Variants in MAP3K10 observed in about 807,000 individuals in gnomAD.
MAP3K10 encodes the protein MKN28 derived nonreceptor_type serine/threonine kinase.
Under a neutral mutation model 75.0 loss-of-function variants are expected in MAP3K10, and 22 were observed. The ratio of observed to expected loss-of-function variants is 0.29; its 90% CI spans 0.21 to 0.42. The LOEUF (loss-of-function observed/expected upper bound fraction) is 0.42, where lower values mean the gene tolerates loss of function less well. MAP3K10 is among the 10% of genes least tolerant of loss of function. The pLI is 1.00. For missense variants in MAP3K10, 1,165 were observed against 1,379.8 expected (o/e 0.84, Z 2.47); for synonymous variants, 599 against 612.9 (o/e 0.98, Z 0.34).
chr19:40,199,547 A>C (rs562043403), intron 2 of MAP3K10, among the ~76,000 whole-genome samples: 1 of 152,338 alleles, frequency 6.6e-6, no homozygotes, highest in East Asian at 1.9e-4. Flanking sequence ...TGTGTCCCAG[A>C]AACAGCAAAG....
chr19:40,192,197 G>T lies in MAP3K10; in HGVS notation c.166G>T (p.Glu56Ter). The part of the protein sequence containing the change: ...LSQDCAVSGD[E>*]GWWTGQLPSG... ...CCAAGACTGTGCGGTGTCCGGCGAC[G>T]AGGGCTGGTGGACCGGGCAGCTCCC... Residue 56 changes from glutamate (E) to a stop codon, truncating the protein, a stop_gained, in exon 1 of 10, where the codon GAG becomes TAG. Coordinates refer to ENST00000253055, the MANE Select transcript of MAP3K10 (RefSeq NM_002446.4). LOFTEE classifies it high-confidence loss of function. The surrounding 1 kb of genome is among the most constrained non-coding windows in gnomAD (Gnocchi z 7.1). 1.2e-6 allele frequency: 2 copies of T among 1,608,678 alleles called. No individual in the cohort carries two copies. Among genetic ancestry groups the T allele is most frequent in the Non-Finnish European group, 8.5e-7 (1 of 1,178,666 alleles).
In MAP3K10 at chr19:40,215,341, G is replaced by A. The variant is rs1973334903; in HGVS notation, c.*49G>A. On this transcript the variant is annotated 3_prime_UTR_variant, in exon 10 of 10. Coordinates refer to ENST00000253055, the MANE Select transcript of MAP3K10 (RefSeq NM_002446.4). ...GGGCAGCCATGAATGTAGCGCCCCAGGCCCTGCCCCAGCCCGCCATGCCAC... is the reference window on the plus strand; with the variant it reads ...GGGCAGCCATGAATGTAGCGCCCCAAGCCCTGCCCCAGCCCGCCATGCCAC... The A allele has an allele frequency of 6.7e-7, 1 of 1,482,226 alleles. No homozygotes were observed. The allele number at this position is 1,482,226 out of a possible 1,614,324, so 91.8% of individuals were successfully genotyped here. A position where few individuals can be genotyped will look rare whatever the true frequency, so the allele number is the denominator to read the frequency against.
Position 40,198,383 on chromosome 19 carries a change from C to G in MAP3K10, c.691C>G (p.Leu231Val). ...TTCTTCCCACCCCACAGTCCTGATC[C>G]TGGAGGCCATCGAGAACCACAACCT... ...RDLKSINILI[L>V]EAIENHNLAD... is the part of the protein sequence containing the mutation. Residue 231 changes from leucine to valine, a missense_variant, in exon 2 of 10, where the codon CTG (leucine) becomes GTG (valine). Around this residue, in one of 2 missense-constraint regions of MAP3K10, gnomAD observed 575 missense variants for 793.2 expected, o/e 0.72. Coordinates refer to ENST00000253055, the MANE Select transcript of MAP3K10 (RefSeq NM_002446.4). This position sits in a 1 kb window ranked among gnomAD's most constrained non-coding sequence, Gnocchi z 4.3. The G allele has an allele frequency of 6.2e-7, 1 of 1,612,754 alleles. No individual in the cohort carries two copies. The highest frequency in any genetic ancestry group is 8.5e-7 in the Non-Finnish European group (1 of 1,179,430).
Position 40,215,439 on chromosome 19 carries a change from T to G in MAP3K10, c.*147T>G, listed in dbSNP as rs909434204. 9.1e-6 allele frequency: 7 copies of G among 766,732 alleles called. No homozygotes were observed. In the African/African-American group the frequency reaches 1.2e-4, roughly 13 times the overall value. 47.5% of individuals were successfully genotyped at this position (766,732 alleles called of 1,614,324 possible). The stretch of plus-strand genomic sequence containing the variant: ...AGGAGGGAGGGGGGGGACACTTAAC[T>G]TATTCCTTTGTACCCCAGGGGGTGG... On this transcript the variant is annotated 3_prime_UTR_variant, in exon 10 of 10. Coordinates refer to ENST00000253055, the MANE Select transcript of MAP3K10 (RefSeq NM_002446.4).
In MAP3K10 at chr19:40,192,950, C is replaced by T. The variant is rs1371939591; in HGVS notation, c.682+237C>T. 6.6e-6 allele frequency among the ~76,000 whole-genome samples: 1 copy of T among 152,162 alleles called. No homozygotes were observed. The highest frequency in any genetic ancestry group is 2.4e-5 in the African/African-American group (1 of 41,434). On this transcript the variant is annotated intron_variant, in intron 1 of 9. Coordinates refer to ENST00000253055, the MANE Select transcript of MAP3K10 (RefSeq NM_002446.4). The surrounding 1 kb of genome is among the most constrained non-coding windows in gnomAD (Gnocchi z 7.1). ...CCCAGGCTGCAGAGTCACAATCGCT[C>T]AGTAAACATGTATCCATGAACACCT... is the stretch of plus-strand genomic sequence containing the variant.
Position 40,213,527 on chromosome 19 carries a change from G to C in MAP3K10, c.1848G>C (p.Ala616=), listed in dbSNP as rs369324782. Residue 616 remains alanine (A), a synonymous_variant, in exon 9 of 10, where the codon GCG becomes GCC. Coordinates refer to ENST00000253055, the MANE Select transcript of MAP3K10 (RefSeq NM_002446.4). This position sits in a 1 kb window ranked among gnomAD's most constrained non-coding sequence, Gnocchi z 5.7. The stretch of plus-strand genomic sequence containing the variant: ...CCTCTCCGGTTGCAGAGGAGTTCGC[G>C]GAGGCAGAGGATGGAGGCAGCAGCG... ...FASLNEMEEF[A]EAEDGGSSVP... The C allele has an allele frequency of 1.9e-5, 31 of 1,611,870 alleles. No homozygotes were observed. The highest frequency in any genetic ancestry group is 2.2e-5 in the Non-Finnish European group (26 of 1,179,434).
At chr19:40,206,392 C>G (rs373293266) in intron 5 of MAP3K10, 2 of 415,390 alleles carry the variant, frequency 4.8e-6, no homozygotes, top group Non-Finnish European at 8.3e-6. Context: ...AACATAGACC[C>G]CATATTTACC....
In MAP3K10 at chr19:40,192,859, A is replaced by G; in HGVS notation, c.682+146A>G. 1 of 676,986 alleles carries G rather than the reference A, an allele frequency of 1.5e-6. No homozygotes were observed. Among genetic ancestry groups the G allele is most frequent in the South Asian group, 2.4e-5 (1 of 41,922 alleles). 41.9% of individuals were successfully genotyped at this position (676,986 alleles called of 1,614,324 possible). On this transcript the variant is annotated intron_variant, in intron 1 of 9. Transcript: ENST00000253055. The surrounding 1 kb of genome is among the most constrained non-coding windows in gnomAD (Gnocchi z 7.1). ...GTATGATACCTTCAGGGTGAAGGTG[A>G]GGTAGGCCTTGCCTGCCTTAAGGGA... is the stretch of plus-strand genomic sequence containing the variant.
Position 40,192,656 on chromosome 19 carries a change from T to C in MAP3K10, c.625T>C (p.Tyr209His). Reference protein sequence around the residue: ...WAVQVARGMNYLHNDAPVPII... With the variant: ...WAVQVARGMNHLHNDAPVPII... ...TGTGCAGGTGGCCCGGGGCATGAAC[T>C]ACCTACACAATGATGCCCCTGTGCC... Residue 209 changes from tyrosine to histidine, a missense_variant, in exon 1 of 10, where the codon TAC (tyrosine) becomes CAC (histidine). Tyr to His is a moderately conservative substitution (Grantham distance 83). Coordinates refer to ENST00000253055, the MANE Select transcript of MAP3K10 (RefSeq NM_002446.4). The surrounding 1 kb of genome is among the most constrained non-coding windows in gnomAD (Gnocchi z 7.1). 1 of 1,590,834 alleles carries C rather than the reference T, an allele frequency of 6.3e-7. No individual in the cohort carries two copies. The highest frequency in any genetic ancestry group is 8.6e-7 in the Non-Finnish European group (1 of 1,168,130).
In MAP3K10 at chr19:40,215,225, A is replaced by G; in HGVS notation, c.2798A>G (p.Asp933Gly). The G allele has an allele frequency of 6.4e-7, 1 of 1,564,936 alleles. No homozygotes were observed. Among genetic ancestry groups the G allele is most frequent in the Non-Finnish European group, 8.7e-7 (1 of 1,155,582 alleles). ...CCCAGCGTGCAGCCCACACTGCTGGACATGGACATGGAGGGGCAGAACCAA... is the reference window on the plus strand; with the variant it reads ...CCCAGCGTGCAGCCCACACTGCTGGGCATGGACATGGAGGGGCAGAACCAA... Reference protein sequence around the residue: ...GPPSVQPTLLDMDMEGQNQDS... With the variant: ...GPPSVQPTLLGMDMEGQNQDS... The change falls in exon 10 of 10, where the codon GAC becomes GGC. Residue 933 changes from aspartate to glycine, a missense_variant. Asp to Gly is a moderately conservative substitution (Grantham distance 94). Transcript: ENST00000253055.
rs139191765 is a variant in MAP3K10, at chr19:40,206,132, C to G, written c.1410C>G (p.Gly470=). 6.2e-7 allele frequency: 1 copy of G among 1,608,694 alleles called. No homozygotes were observed. Among genetic ancestry groups the G allele is most frequent in the Admixed American group, 1.7e-5 (1 of 59,862 alleles). The change falls in exon 5 of 10, where the codon GGC becomes GGG. Residue 470 remains glycine (G), a synonymous_variant. Transcript: ENST00000253055. The part of the protein sequence containing the change: ...KRSRLLKLRE[G]GSHISLPSGF... ...GCCGCCTGCTCAAGCTGCGGGAAGGCGGCAGCCACATCAGCCTGCCCTCTG... is the reference window on the plus strand; with the variant it reads ...GCCGCCTGCTCAAGCTGCGGGAAGGGGGCAGCCACATCAGCCTGCCCTCTG...
chr19:40,197,920 C>T (rs1972940467), intron 1 of MAP3K10, among the ~76,000 whole-genome samples: 1 of 152,198 alleles, frequency 6.6e-6, no homozygotes, highest in Non-Finnish European at 1.5e-5. Flanking sequence ...CAGCCTCAAC[C>T]TCCCAGCCTC....
At chr19:40,195,584 C>T (rs1568486814) in intron 1 of MAP3K10, among the ~76,000 whole-genome samples, 1 of 148,240 alleles carries the variant, frequency 6.7e-6, no homozygotes, top group Non-Finnish European at 1.5e-5. Context: ...CCTTCCGCCT[C>T]CCGGGTTCAA....
rs752678395 is a variant in MAP3K10, at chr19:40,213,057, C to G, written c.1725-19C>G. 11 of 1,602,630 alleles carry G rather than the reference C, an allele frequency of 6.9e-6. No individual in the cohort carries two copies. Among genetic ancestry groups the G allele is most frequent in the Non-Finnish European group, 8.5e-6 (10 of 1,174,164 alleles). ...CAGGCCACAGGACTGAGGTCTCCAT[C>G]TCTCCCTGGACCCCGCAGGCTGAAG... On this transcript the variant is annotated intron_variant, in intron 7 of 9. Coordinates refer to ENST00000253055, the MANE Select transcript of MAP3K10 (RefSeq NM_002446.4). This position sits in a 1 kb window ranked among gnomAD's most constrained non-coding sequence, Gnocchi z 5.7.
Position 40,209,117 on chromosome 19 carries a change from A to T in MAP3K10, c.1450A>T (p.Ile484Phe). ...TCTTTCTGCAGGCTTTGAGCATAAG[A>T]TCACAGTCCAGGCCTCTCCAACTCT... The part of the protein sequence containing the change: ...ISLPSGFEHK[I>F]TVQASPTLDK... The change falls in exon 6 of 10, where the codon ATC becomes TTC. Residue 484 changes from isoleucine to phenylalanine, a missense_variant. Around this residue, in one of 2 missense-constraint regions of MAP3K10, gnomAD observed 575 missense variants for 793.2 expected, o/e 0.72. Coordinates refer to ENST00000253055, the MANE Select transcript of MAP3K10 (RefSeq NM_002446.4). 6.2e-7 allele frequency: 1 copy of T among 1,613,850 alleles called. No individual in the cohort carries two copies.
At chr19:40,195,642 C>T (rs946266212) in intron 1 of MAP3K10, among the ~76,000 whole-genome samples, 3 of 151,852 alleles carry the variant, frequency 2.0e-5, no homozygotes, top group Admixed American at 6.6e-5. Context: ...TACAGGCGTG[C>T]GCCACCAAGC....
intron 1 of MAP3K10, among the ~76,000 whole-genome samples, chr19:40,197,942 C>G (rs1317713759): frequency 6.6e-6 from 1 of 152,164 alleles, no homozygotes; most frequent in East Asian, 1.9e-4. Flanking sequence ...AGTGATCCTC[C>G]CAACTTAGCC....
chr19:40,215,111 G>A lies in MAP3K10; in HGVS notation c.2684G>A (p.Arg895His), dbSNP rs369326839. ...CCTCGGCCGGCTGCCAGTCGCCCCC[G>A]CTTGGACCCCTGGAAACTGGTCTCC... The part of the protein sequence containing the change: ...PRPRPAASRP[R>H]LDPWKLVSFG... Residue 895 changes from arginine (R) to histidine (H), a missense_variant, in exon 10 of 10, where the codon CGC (arginine) becomes CAC (histidine). This residue lies in a region of MAP3K10 where 590 missense variants were observed against 586.6 expected (regional missense o/e 1.01). Coordinates refer to ENST00000253055, the MANE Select transcript of MAP3K10 (RefSeq NM_002446.4). 41 of 1,606,964 alleles carry A rather than the reference G, an allele frequency of 2.6e-5. No individual in the cohort carries two copies. Among genetic ancestry groups the A allele is most frequent in the Non-Finnish European group, 3.4e-5 (40 of 1,177,694 alleles).
rs1264215005 is a variant in MAP3K10 at position 40,192,989 on chromosome 19, G to A, written c.682+276G>A. Among the ~76,000 whole-genome samples the A allele has an allele frequency of 1.3e-5, 2 of 152,206 alleles. No homozygotes were observed. The highest frequency in any genetic ancestry group is 2.9e-5 in the Non-Finnish European group (2 of 68,042). ...CCATGAACACCTGCGTTCCCTGCATGAACAGGACAGATGCAGTGCCTGCCT... is the reference window on the plus strand; with the variant it reads ...CCATGAACACCTGCGTTCCCTGCATAAACAGGACAGATGCAGTGCCTGCCT... On this transcript the variant is annotated intron_variant, in intron 1 of 9. Transcript: ENST00000253055. The surrounding 1 kb of genome is among the most constrained non-coding windows in gnomAD (Gnocchi z 7.1).
Sources: allele counts gnomAD v4.1 joint callset (sites outside exome capture counted in the v4.1 genomes callset), GRCh38; gene constraint gnomAD v4.1.1; regional missense constraint gnomAD v4.1.1; non-coding constraint Gnocchi (gnomAD v3.1); transcripts MANE v1.5; gene names NCBI Gene and HGNC (gene_info 2026-07-23, HGNC 2026-07-21).